The following GTF2IRD1 variants were observed in gnomAD, a reference collection of about 807,000 sequenced individuals.
The protein encoded by GTF2IRD1 is GTF2I repeat domain containing 1, also known as general transcription factor II-I repeat domain-containing protein 1.
GTF2IRD1 carries 26 observed loss-of-function variants against 113.2 expected under a neutral mutation model. The observed-to-expected ratio is 0.23, with a 90% confidence interval of 0.17 to 0.32. The LOEUF is 0.32. GTF2IRD1 is among the 10% of genes least tolerant of loss of function. The pLI is 1.00. For synonymous variants in GTF2IRD1, 484 were observed against 529.1 expected (o/e 0.91, Z 1.17); for missense variants, 864 against 1,280.8 (o/e 0.67, Z 4.97).
intron 12 of GTF2IRD1, 132 bp from the exon 13 acceptor site, chr7:74,538,547 AG>A: frequency 1.3e-6 from 1 of 771,608 alleles, no homozygotes; most frequent in Non-Finnish European, 2.4e-6. Context: ...GGGCGGAGCC[AG>A]GGGGCTGACA....
chr7:74,584,907 T>C (rs1801627734), intron 22 of GTF2IRD1, among the ~76,000 whole-genome samples: 1 of 152,080 alleles, frequency 6.6e-6, no homozygotes, highest in Admixed American at 6.6e-5. Context: ...GTTTAAGCGA[T>C]TCTCCTGCCT....
At position 74,539,837 on chromosome 7, in the gene GTF2IRD1, A is replaced by C. The variant is rs782323873; in HGVS notation, c.1529-42A>C. ...CCTGAGGGACTGTGACAGGAGTATG[A>C]CAGGCAGAAGATACCCGTGTCATTC... On this transcript the variant is annotated intron_variant, in intron 13 of 26. Transcript: ENST00000424337. 210 of 1,399,248 alleles carry C rather than the reference A, an allele frequency of 1.5e-4. No homozygotes were observed. The Middle Eastern group carries it at 3.4e-3, about 23-fold the overall frequency. 86.7% of individuals were successfully genotyped at this position (1,399,248 alleles called of 1,614,324 possible).
At position 74,536,286 on chromosome 7, in the gene GTF2IRD1, G is replaced by A. The variant is rs370974338; in HGVS notation, c.1409+11G>A. On this transcript the variant is annotated intron_variant, in intron 11 of 26. Coordinates refer to ENST00000424337, the MANE Select transcript of GTF2IRD1 (RefSeq NM_005685.4). Reference sequence around the variant, plus strand: ...TGCTGGGAATGCTCGGTGAGGCCCCGCCCCTGGCCCCGGAGGCCCGCGGCC... The same window carrying A: ...TGCTGGGAATGCTCGGTGAGGCCCCACCCCTGGCCCCGGAGGCCCGCGGCC... 2.1e-5 allele frequency: 33 copies of A among 1,546,464 alleles called. No homozygotes were observed. Among genetic ancestry groups the A allele is most frequent in the Middle Eastern group, 3.4e-4 (2 of 5,908 alleles).
intron 11 of GTF2IRD1, 39 bp downstream of exon 11, chr7:74,536,314 C>A: frequency 1.6e-6 from 2 of 1,284,774 alleles, no homozygotes; most frequent in African/African-American, 1.5e-5. Flanking sequence ...CCGCGGCCAG[C>A]CCTGCTCTGG....
At chr7:74,501,342 T>C (rs1201460601) in intron 1 of GTF2IRD1, among the ~76,000 whole-genome samples, 2 of 152,202 alleles carry the variant, frequency 1.3e-5, no homozygotes, top group African/African-American at 4.8e-5. Context: ...CTTTGCGACA[T>C]CCTTGTGGTG....
chr7:74,486,808 C>T (rs77617529), intron 1 of GTF2IRD1, among the ~76,000 whole-genome samples: 1 of 129,600 alleles, frequency 7.7e-6, no homozygotes, highest in African/African-American at 2.9e-5. Context: ...CATGTCTCTA[C>T]AAAAAAAAAA....
chr7:74,509,866 C>T (rs1263321328), intron 2 of GTF2IRD1, among the ~76,000 whole-genome samples: 5 of 151,886 alleles, frequency 3.3e-5, no homozygotes, highest in Non-Finnish European at 7.4e-5. Context: ...TAGTAGAGAC[C>T]GGGTTTCACC....
chr7:74,470,629 G>A (rs1403415608), intron 1 of GTF2IRD1, among the ~76,000 whole-genome samples: 1 of 152,190 alleles, frequency 6.6e-6, no homozygotes, highest in Non-Finnish European at 1.5e-5. Flanking sequence ...AAACAATTCA[G>A]ATGTCAGACT....
At chr7:74,482,223 CT>C (rs5884948) in intron 1 of GTF2IRD1, among the ~76,000 whole-genome samples, 10,281 of 108,026 alleles carry the variant, frequency 0.095, 184 homozygotes, top group African/African-American at 0.12. Context: ...TCTCCTAAAA[CT>C]TTTTTTTTTT....
chr7:74,502,109 C>A (rs1796065650), intron 1 of GTF2IRD1, among the ~76,000 whole-genome samples: 1 of 152,118 alleles, frequency 6.6e-6, no homozygotes, highest in African/African-American at 2.4e-5. Context: ...CGGCTAATTT[C>A]TGTATTTTTT....
intron 1 of GTF2IRD1, among the ~76,000 whole-genome samples, chr7:74,472,830 G>C (rs1794188463): frequency 6.6e-6 from 1 of 152,204 alleles, no homozygotes; most frequent in South Asian, 2.1e-4. Flanking sequence ...CCCTCCTGCA[G>C]ATGCCTCTGG....
intron 1 of GTF2IRD1, among the ~76,000 whole-genome samples, chr7:74,492,819 A>T (rs1350916341): frequency 1.3e-5 from 2 of 150,272 alleles, no homozygotes; most frequent in Non-Finnish European, 3.0e-5. Context: ...GGCTGCCAGC[A>T]CTCCTGGGCT....
At chr7:74,483,913 G>A (rs1280854249) in intron 1 of GTF2IRD1, among the ~76,000 whole-genome samples, 5 of 151,916 alleles carry the variant, frequency 3.3e-5, no homozygotes, top group African/African-American at 1.2e-4. Flanking sequence ...GAGCAAAAAT[G>A]CAGTGTCTCA....
intron 24 of GTF2IRD1, among the ~76,000 whole-genome samples, 173 bp downstream of exon 24, chr7:74,591,190 A>G (rs1802038641): frequency 6.6e-6 from 1 of 152,026 alleles, no homozygotes; most frequent in African/African-American, 2.4e-5. Flanking sequence ...CTTATTTTTA[A>G]AGATTATTTT....
intron 1 of GTF2IRD1, among the ~76,000 whole-genome samples, chr7:74,488,936 G>T (rs541020544): frequency 3.9e-5 from 6 of 152,192 alleles, no homozygotes; most frequent in Admixed American, 3.3e-4. Context: ...GAGGTCAGGA[G>T]TTCAAGACCA....
intron 24 of GTF2IRD1, among the ~76,000 whole-genome samples, chr7:74,592,700 A>G (rs1187158320): frequency 6.7e-6 from 1 of 149,948 alleles, no homozygotes; most frequent in Non-Finnish European, 1.5e-5. Flanking sequence ...ACCCCAGCTA[A>G]TTTTGTATTT....
intron 1 of GTF2IRD1, among the ~76,000 whole-genome samples, chr7:74,492,148 CACACA>C (rs1795382922): frequency 6.6e-6 from 1 of 151,418 alleles, no homozygotes; most frequent in Non-Finnish European, 1.5e-5. Flanking sequence ...GGATTACAGG[CACACA>C]CTACCATTCC....
At chr7:74,471,994 C>CAACA (rs781491020) in intron 1 of GTF2IRD1, among the ~76,000 whole-genome samples, 4 of 152,002 alleles carry the variant, frequency 2.6e-5, no homozygotes, top group African/African-American at 2.4e-5. Context: ...TCTGTCTCAA[C>CAACA]AACAAACAAA....
At chr7:74,515,633 G>A (rs1796888943) in intron 4 of GTF2IRD1, 37 bp downstream of exon 4, 5 of 1,578,870 alleles carry the variant, frequency 3.2e-6, no homozygotes, top group Admixed American at 1.7e-5. Flanking sequence ...GGGCCCCAGG[G>A]AGGGTGGGAG....
Sources: allele counts gnomAD v4.1 joint callset (sites outside exome capture counted in the v4.1 genomes callset), GRCh38; gene constraint gnomAD v4.1.1; transcripts MANE v1.5; gene names NCBI Gene and HGNC (gene_info 2026-07-23, HGNC 2026-07-21).